UNC79: variants seen among roughly 807,000 people sequenced by gnomAD.
UNC79 encodes the protein protein unc-79 homolog.
Under a neutral mutation model 283.1 loss-of-function variants are expected in UNC79, and 37 were observed. The ratio of observed to expected loss-of-function variants is 0.13; its 90% CI spans 0.10 to 0.17. The LOEUF (loss-of-function observed/expected upper bound fraction) is 0.17, where lower values mean the gene tolerates loss of function less well. Among genes scored for constraint, UNC79 ranks in the 10% least tolerant of loss-of-function variants. The probability of loss-of-function intolerance (pLI) is 1.00; values close to 1 mark genes in which losing one functional copy is unlikely to be tolerated. For missense variants in UNC79, 2,272 were observed against 3,211.1 expected (o/e 0.71, Z 7.07); for synonymous variants, 1,107 against 1,200.2 (o/e 0.92, Z 1.61).
intron 14 of UNC79, among the ~76,000 whole-genome samples, chr14:93,557,695 A>T (rs1032419969): frequency 1.3e-5 from 2 of 152,216 alleles, no homozygotes; most frequent in African/African-American, 4.8e-5. Context: ...GGGAAAAAGA[A>T]TAAATAAATG....
Position 93,654,028 on chromosome 14 carries a change from G to A in UNC79, c.6282+3G>A, listed in dbSNP as rs767826497. ...CAGCTCTCAGTCAGCTCCTAGAGGT[G>A]GGTTTCCTTTAATGACACCCTAAGC... On this transcript the variant is annotated splice_donor_region_variant and intron_variant, in intron 37 of 48. Transcript: ENST00000555664. 16 of 1,613,918 alleles carry A rather than the reference G, an allele frequency of 9.9e-6. No homozygotes were observed. In the African/African-American group the frequency reaches 2.0e-4, roughly 20 times the overall value.
intron 1 of UNC79, among the ~76,000 whole-genome samples, chr14:93,396,216 T>C (rs933398412): frequency 6.6e-6 from 1 of 152,010 alleles, no homozygotes; most frequent in African/African-American, 2.4e-5. Flanking sequence ...TATTTTCAAC[T>C]CCAGAATTTT....
chr14:93,568,198 A>G lies in UNC79; in HGVS notation c.1756-3696A>G, dbSNP rs113930222. Among the ~76,000 whole-genome samples, 11 of 152,250 alleles carry G rather than the reference A, an allele frequency of 7.2e-5. 1 individual carries two copies. The highest frequency in any genetic ancestry group is 2.4e-4 in the African/African-American group (10 of 41,544). ...ACTATTAATGGGTCTTAATATAACT[A>G]TTAATGGGTATGGTGTCAGTGAGGT... On this transcript the variant is annotated intron_variant, in intron 14 of 48. Transcript: ENST00000555664.
intron 30 of UNC79, among the ~76,000 whole-genome samples, chr14:93,628,375 G>A (rs1002400001): frequency 6.6e-6 from 1 of 152,016 alleles, no homozygotes; most frequent in Non-Finnish European, 1.5e-5. Flanking sequence ...TATCTGTCTG[G>A]CTCATTCTCT....
intron 1 of UNC79, among the ~76,000 whole-genome samples, chr14:93,416,295 G>T (rs1331795330): frequency 1.8e-4 from 26 of 146,306 alleles, no homozygotes; most frequent in Admixed American, 1.7e-3. Context: ...AGTCATTCAG[G>T]AGCAGGTTGT....
chr14:93,584,600 A>AT (rs1407457020), intron 20 of UNC79, among the ~76,000 whole-genome samples: 4 of 152,202 alleles, frequency 2.6e-5, no homozygotes, highest in Non-Finnish European at 5.9e-5. Flanking sequence ...ATGCAAATAT[A>AT]TTTTTTAAAC....
chr14:93,454,814 G>A (rs1023563358), intron 1 of UNC79, among the ~76,000 whole-genome samples: 1 of 152,116 alleles, frequency 6.6e-6, no homozygotes, highest in African/African-American at 2.4e-5. Flanking sequence ...TGCCTAACTT[G>A]TTGCTAATGT....
At chr14:93,580,163 T>C in exon 19 of UNC79, 1 of 1,613,324 alleles carries the variant, frequency 6.2e-7, no homozygotes, top group Non-Finnish European at 8.5e-7. Context: ...AGTTACAAGA[T>C]GATGGAATCA....
At chr14:93,365,984 C>T (rs2054322179) in intron 1 of UNC79, among the ~76,000 whole-genome samples, 1 of 152,062 alleles carries the variant, frequency 6.6e-6, no homozygotes, top group Non-Finnish European at 1.5e-5. Flanking sequence ...TGAGAAAATT[C>T]CAAAAGCTTT....
chr14:93,448,926 T>G (rs572544640), intron 1 of UNC79, among the ~76,000 whole-genome samples: 4 of 152,334 alleles, frequency 2.6e-5, no homozygotes, highest in African/African-American at 9.6e-5. Context: ...CACTTTCAGA[T>G]CTTATCACTT....
chr14:93,452,866 T>G (rs565353539), intron 1 of UNC79, among the ~76,000 whole-genome samples: 1 of 152,366 alleles, frequency 6.6e-6, no homozygotes, highest in South Asian at 2.1e-4. Context: ...ATTATAGTTA[T>G]AGTTTTAAGA....
At chr14:93,696,440 G>A (rs1384910836) in intron 47 of UNC79, among the ~76,000 whole-genome samples, 6 of 152,200 alleles carry the variant, frequency 3.9e-5, no homozygotes, top group Non-Finnish European at 8.8e-5. Flanking sequence ...TATGAACAGT[G>A]TATGAGCATT....
Position 93,621,669 on chromosome 14 carries a change from G to A in UNC79, c.4436G>A (p.Ser1479Asn), listed in dbSNP as rs2067149084. 6.2e-7 allele frequency: 1 copy of A among 1,608,188 alleles called. No individual in the cohort carries two copies. Among genetic ancestry groups the A allele is most frequent in the South Asian group, 1.1e-5 (1 of 90,200 alleles). The change falls in exon 30 of 49, where the codon AGC becomes AAC. Residue 1479 changes from serine to asparagine, a missense_variant. By Grantham distance (46) the Ser-to-Asn change is conservative. Coordinates refer to ENST00000555664, the Ensembl canonical transcript of UNC79. This position sits in a 1 kb window ranked among gnomAD's most constrained non-coding sequence, Gnocchi z 4.8. ...AGAGAGACGGGTGCATTACAAGACAGCCTTCTCCACTGTGTGAGAGAAGAA... is the reference window on the plus strand; with the variant it reads ...AGAGAGACGGGTGCATTACAAGACAACCTTCTCCACTGTGTGAGAGAAGAA...
Position 93,582,362 on chromosome 14 carries a change from G to A in UNC79, c.2803+18G>A, listed in dbSNP as rs774988539. 17 of 1,610,400 alleles carry A rather than the reference G, an allele frequency of 1.1e-5. No individual in the cohort carries two copies. In the East Asian group the frequency reaches 3.3e-4, roughly 32 times the overall value. ...ACATGCTGGTAGGTGTGCACTGACT[G>A]CCGGGGAATGCGCCACGTGCACATG... On this transcript the variant is annotated intron_variant, in intron 20 of 48. Transcript: ENST00000555664.
At chr14:93,549,386 C>T (rs945857208) in intron 14 of UNC79, among the ~76,000 whole-genome samples, 8 of 152,226 alleles carry the variant, frequency 5.3e-5, no homozygotes, top group South Asian at 2.1e-4. Flanking sequence ...AGAAGCAAAA[C>T]GTGTGCTCAG....
chr14:93,413,937 A>T (rs1595446332), intron 1 of UNC79, among the ~76,000 whole-genome samples: 2 of 29,574 alleles, frequency 6.8e-5, no homozygotes, highest in Admixed American at 5.9e-4. Flanking sequence ...GCCCTTTGTC[A>T]GATGAGTAGG....
At chr14:93,542,552 T>C (rs1223527994) in exon 14 of UNC79, 6 of 1,614,096 alleles carry the variant, frequency 3.7e-6, no homozygotes, top group Non-Finnish European at 4.2e-6. Flanking sequence ...TTCACTCCAC[T>C]GCGTATATGA....
intron 8 of UNC79, among the ~76,000 whole-genome samples, chr14:93,527,379 T>C (rs1371970846): frequency 1.3e-5 from 2 of 152,204 alleles, no homozygotes; most frequent in Non-Finnish European, 2.9e-5. Context: ...CCACAAAGCC[T>C]AAAATATTTA....
intron 1 of UNC79, among the ~76,000 whole-genome samples, chr14:93,344,926 G>A (rs1284967971): frequency 6.6e-6 from 1 of 152,178 alleles, no homozygotes; most frequent in Non-Finnish European, 1.5e-5. Context: ...GGCTGGGCAT[G>A]ATGGTTAACT....
Sources: gnomAD v4.1 joint callset for allele counts (sites outside exome capture counted in the v4.1 genomes callset) on GRCh38, gnomAD v4.1.1 for gene constraint, Gnocchi (gnomAD v3.1) non-coding constraint, MANE v1.5 for transcripts, NCBI Gene and HGNC (gene_info 2026-07-23, HGNC 2026-07-21) for gene names.